MECOM: variants seen among roughly 807,000 people sequenced by gnomAD.
The protein encoded by MECOM is histone-lysine N-methyltransferase MECOM.
MECOM carries 13 observed loss-of-function variants against 116.3 expected under a neutral mutation model. That is an observed-to-expected ratio of 0.11 (90% confidence interval 0.07 to 0.18). The LOEUF is 0.18. MECOM is among the 10% of genes least tolerant of loss of function. The probability of loss-of-function intolerance (pLI) is 1.00; values close to 1 mark genes in which losing one functional copy is unlikely to be tolerated. For missense variants in MECOM, 1,299 were observed against 1,509.0 expected, an observed-to-expected ratio of 0.86 and a Z score of 2.31; for synonymous variants, 528 against 535.2, an observed-to-expected ratio of 0.99 and a Z score of 0.19.
At chr3:169,543,037 T>C (rs555549289) in intron 1 of MECOM, among the ~76,000 whole-genome samples, 2 of 152,340 alleles carry the variant, frequency 1.3e-5, no homozygotes, top group African/African-American at 4.8e-5. Flanking sequence ...TTCTCAACCA[T>C]AGTTCAACTT....
chr3:169,381,124 T>C, intron 2 of MECOM, 63 bp downstream of exon 2: 1 of 1,439,142 alleles, frequency 6.9e-7, no homozygotes. Flanking sequence ...TGTGGATGCT[T>C]AAACAATCTC....
At chr3:169,477,441 G>T (rs1196569813) in intron 1 of MECOM, among the ~76,000 whole-genome samples, 1 of 152,018 alleles carries the variant, frequency 6.6e-6, no homozygotes, top group Non-Finnish European at 1.5e-5. Flanking sequence ...GTATAAAAGA[G>T]AATTTTTTTC....
intron 2 of MECOM, among the ~76,000 whole-genome samples, chr3:169,261,986 T>C (rs761507301): frequency 3.3e-5 from 5 of 152,158 alleles, no homozygotes; most frequent in Non-Finnish European, 7.4e-5. Flanking sequence ...AAAAAGAAAG[T>C]GGGACTGAGT....
intron 12 of MECOM, among the ~76,000 whole-genome samples, chr3:169,095,768 A>G (rs1560126986): frequency 6.6e-6 from 1 of 152,206 alleles, no homozygotes. Context: ...TAAAACTAAA[A>G]CAATGTAAAT....
intron 1 of MECOM, among the ~76,000 whole-genome samples, chr3:169,385,343 A>C (rs771580452): frequency 1.3e-5 from 2 of 152,186 alleles, no homozygotes; most frequent in African/African-American, 4.8e-5. Context: ...TGTACAATTA[A>C]ACCTAAAGAA....
chr3:169,090,833 T>G (rs1719484878), intron 14 of MECOM, among the ~76,000 whole-genome samples: 1 of 152,016 alleles, frequency 6.6e-6, no homozygotes, highest in African/African-American at 2.4e-5. Context: ...TTCAAATTAT[T>G]TTTTACAGTC....
intron 1 of MECOM, among the ~76,000 whole-genome samples, chr3:169,467,364 G>C (rs1343466936): frequency 6.6e-6 from 1 of 152,042 alleles, no homozygotes; most frequent in African/African-American, 2.4e-5. Flanking sequence ...TACCTGACTG[G>C]GGATGTAGTT....
intron 1 of MECOM, among the ~76,000 whole-genome samples, chr3:169,474,651 T>C (rs574033578): frequency 6.6e-6 from 1 of 152,300 alleles, no homozygotes; most frequent in East Asian, 1.9e-4. Context: ...GCCCATGTTT[T>C]GTGTAATAAC....
chr3:169,146,035 CT>C (rs1739797637), intron 2 of MECOM: 1 of 235,284 alleles, frequency 4.3e-6, no homozygotes, highest in African/African-American at 2.2e-5. Flanking sequence ...TCCCAAATGT[CT>C]TAATCGTGTC....
At chr3:169,129,180 G>C (rs1197795518) in intron 4 of MECOM, among the ~76,000 whole-genome samples, 2 of 151,916 alleles carry the variant, frequency 1.3e-5, no homozygotes, top group East Asian at 3.9e-4. Flanking sequence ...GTGGAAGGAG[G>C]GGGCACATTT....
intron 2 of MECOM, among the ~76,000 whole-genome samples, chr3:169,175,632 A>T (rs886185240): frequency 2.6e-5 from 4 of 152,164 alleles, no homozygotes; most frequent in African/African-American, 9.7e-5. Flanking sequence ...AACTGAAGAA[A>T]CGGAAAGGTC....
chr3:169,381,073 C>A, intron 2 of MECOM, 114 bp downstream of exon 2: 1 of 910,436 alleles, frequency 1.1e-6, no homozygotes, highest in South Asian at 1.9e-5. Context: ...TTCTTAAAAA[C>A]CTGTTGAAAA....
At chr3:169,368,112 T>C (rs1729490085) in intron 2 of MECOM, among the ~76,000 whole-genome samples, 1 of 152,124 alleles carries the variant, frequency 6.6e-6, no homozygotes, top group Admixed American at 6.6e-5. Context: ...CTTGTTCTAA[T>C]GATAGTTGAC....
chr3:169,242,899 CT>C lies in MECOM; in HGVS notation c.376-99068del, dbSNP rs139044822. On this transcript the variant is annotated intron_variant, in intron 2 of 16. Transcript: ENST00000651503. ...TCCTTAGCACTCCTTCCTTTGCCCC[CT>C]ATAATAATCCCGTCCCCTCACATAG... is the stretch of plus-strand genomic sequence containing the variant. Among the ~76,000 whole-genome samples, 1,207 of 151,674 alleles carry C rather than the reference CT, an allele frequency of 8.0e-3. 15 individuals carry two copies. Among genetic ancestry groups the C allele is most frequent in the African/African-American group, 0.028 (1,137 of 41,278 alleles).
intron 2 of MECOM, among the ~76,000 whole-genome samples, chr3:169,302,666 C>T (rs575777774): frequency 6.6e-6 from 1 of 152,128 alleles, no homozygotes; most frequent in Non-Finnish European, 1.5e-5. Context: ...GAGTTCAAGA[C>T]CAGCCTGGCC....
At chr3:169,453,976 G>A (rs937489172) in intron 1 of MECOM, among the ~76,000 whole-genome samples, 1 of 152,066 alleles carries the variant, frequency 6.6e-6, no homozygotes, top group Non-Finnish European at 1.5e-5. Flanking sequence ...GTTGGGGTCA[G>A]AGCCTTCCTT....
chr3:169,489,330 T>C (rs1051149602), intron 1 of MECOM, among the ~76,000 whole-genome samples: 6 of 152,168 alleles, frequency 3.9e-5, no homozygotes, highest in African/African-American at 7.2e-5. Flanking sequence ...AGAGAACATA[T>C]AGAGAAAGTG....
rs142293236 is a variant in MECOM, at chr3:169,310,375, A to C, written c.375+70812T>G. On this transcript the variant is annotated intron_variant, in intron 2 of 16. Transcript: ENST00000651503. ...TGATCTTATGAAATCGCTGATACTC[A>C]GTCCTTTATGACTCACAAAGTGGCT... Among the ~76,000 whole-genome samples, 18 of 152,336 alleles carry C rather than the reference A, an allele frequency of 1.2e-4. 1 individual carries two copies. The highest frequency in any genetic ancestry group is 3.8e-4 in the African/African-American group (16 of 41,570).
At chr3:169,101,476 A>G (rs1172737295) in intron 11 of MECOM, among the ~76,000 whole-genome samples, 2 of 152,224 alleles carry the variant, frequency 1.3e-5, no homozygotes, top group African/African-American at 2.4e-5. Context: ...AAAGAAAGTG[A>G]CATATTTTTC....
Sources: allele counts gnomAD v4.1 joint callset (sites outside exome capture counted in the v4.1 genomes callset), GRCh38; gene constraint gnomAD v4.1.1; transcripts MANE v1.5; gene names NCBI Gene and HGNC (gene_info 2026-07-23, HGNC 2026-07-21).